Variants in AGO3 observed in about 807,000 individuals in gnomAD.
AGO3 encodes argonaute RISC catalytic component 3, also known as protein argonaute-3.
A neutral mutation model predicts 105.5 loss-of-function variants in AGO3; 16 were observed. The ratio of observed to expected loss-of-function variants is 0.15; its 90% CI spans 0.10 to 0.23. The LOEUF (loss-of-function observed/expected upper bound fraction) is 0.23, where lower values mean the gene tolerates loss of function less well. Among genes scored for constraint, AGO3 ranks in the 10% least tolerant of loss-of-function variants. AGO3 has a pLI of 1.00. For synonymous variants in AGO3, 340 were observed against 367.3 expected, an observed-to-expected ratio of 0.93 and a Z score of 0.85; for missense variants, 534 against 1,088.0, an observed-to-expected ratio of 0.49 and a Z score of 7.16.
At chr1:35,978,227 T>A (rs1646987218) in intron 5 of AGO3, among the ~76,000 whole-genome samples, 1 of 152,188 alleles carries the variant, frequency 6.6e-6, no homozygotes, top group Non-Finnish European at 1.5e-5. Flanking sequence ...TTTGCTCTTG[T>A]CACCCAGGCT....
chr1:36,053,395 C>T (rs1351309636), intron 17 of AGO3, among the ~76,000 whole-genome samples: 1 of 151,738 alleles, frequency 6.6e-6, no homozygotes, highest in Non-Finnish European at 1.5e-5. Context: ...ATTCTCCTGC[C>T]TCACCCTCCC....
intron 5 of AGO3, among the ~76,000 whole-genome samples, chr1:35,999,440 G>C (rs1461552395): frequency 6.6e-6 from 1 of 152,166 alleles, no homozygotes. Flanking sequence ...ATTACATCCT[G>C]TTGATATTTT....
chr1:35,960,503 T>G (rs1173046876), intron 2 of AGO3, among the ~76,000 whole-genome samples: 2 of 152,000 alleles, frequency 1.3e-5, no homozygotes, highest in African/African-American at 4.8e-5. Flanking sequence ...TTTTTTTCGC[T>G]AAAATTCTAA....
Position 35,931,337 on chromosome 1 carries a change from T to A in AGO3, c.-90T>A. 1 of 1,251,916 alleles carries A rather than the reference T, an allele frequency of 8.0e-7. No homozygotes were observed. Among genetic ancestry groups the A allele is most frequent in the Non-Finnish European group, 1.0e-6 (1 of 956,098 alleles). The allele number at this position is 1,251,916 out of a possible 1,614,324, so 77.6% of individuals were successfully genotyped here. ...CCTCGGGGCCGAGTGAGAGTGCCCG[T>A]CGCGTCGCGCCGCGTCGCCCCCCGG... is the stretch of plus-strand genomic sequence containing the variant. On this transcript the variant is annotated 5_prime_UTR_variant, in exon 1 of 19. Coordinates refer to ENST00000373191, the MANE Select transcript of AGO3 (RefSeq NM_024852.4).
intron 2 of AGO3, among the ~76,000 whole-genome samples, chr1:35,964,458 G>C (rs960106505): frequency 6.6e-6 from 1 of 152,064 alleles, no homozygotes; most frequent in African/African-American, 2.4e-5. Context: ...ACATGATCTT[G>C]TTCTTTTTTA....
intron 2 of AGO3, among the ~76,000 whole-genome samples, chr1:35,946,743 GTGAA>G (rs1646371921): frequency 6.6e-6 from 1 of 152,168 alleles, no homozygotes; most frequent in Non-Finnish European, 1.5e-5. Context: ...ATACCTGAAA[GTGAA>G]TGAGCACTAA....
chr1:35,983,376 A>C (rs1329947637), intron 5 of AGO3: 1 of 149,366 alleles, frequency 6.7e-6, no homozygotes, highest in African/African-American at 2.5e-5. Context: ...GTTTGCGATC[A>C]GGCTGAACAA....
chr1:35,944,978 A>G (rs931826676), intron 1 of AGO3, among the ~76,000 whole-genome samples: 1 of 151,596 alleles, frequency 6.6e-6, no homozygotes, highest in East Asian at 1.9e-4. Flanking sequence ...AATTTTTTGT[A>G]TTTTTGGTAG....
intron 15 of AGO3, 54 bp from the exon 16 acceptor site, chr1:36,040,253 T>C: frequency 6.4e-7 from 1 of 1,552,042 alleles, no homozygotes; most frequent in Non-Finnish European, 8.8e-7. Flanking sequence ...TACTTTGAAG[T>C]ATATAAAAAC....
At chr1:35,943,000 A>T (rs1353543805) in intron 1 of AGO3, among the ~76,000 whole-genome samples, 1 of 151,212 alleles carries the variant, frequency 6.6e-6, no homozygotes, top group Non-Finnish European at 1.5e-5. Flanking sequence ...TCATTCTGTG[A>T]CTGGTTTTGT....
intron 11 of AGO3, among the ~76,000 whole-genome samples, chr1:36,015,264 A>G (rs1640845345): frequency 6.6e-6 from 1 of 152,220 alleles, no homozygotes; most frequent in African/African-American, 2.4e-5. Context: ...GATGCAGTAA[A>G]GATATCCATA....
chr1:35,953,405 A>G (rs1646509175), intron 2 of AGO3, among the ~76,000 whole-genome samples: 1 of 152,196 alleles, frequency 6.6e-6, no homozygotes, highest in Non-Finnish European at 1.5e-5. Flanking sequence ...GTGGATGTGA[A>G]GTTGTATCTC....
chr1:35,970,927 C>G (rs941213688), intron 3 of AGO3, among the ~76,000 whole-genome samples: 8 of 151,076 alleles, frequency 5.3e-5, no homozygotes, highest in Admixed American at 6.6e-5. Context: ...AGGTCTTGCT[C>G]TGTTGCCTGG....
At chr1:36,025,669 A>G (rs1039087409) in intron 11 of AGO3, among the ~76,000 whole-genome samples, 4 of 152,200 alleles carry the variant, frequency 2.6e-5, no homozygotes, top group African/African-American at 7.2e-5. Flanking sequence ...TAGGACCTCA[A>G]TTGTTTTAAA....
intron 5 of AGO3, among the ~76,000 whole-genome samples, chr1:35,983,773 T>C (rs1046177881): frequency 3.9e-5 from 6 of 152,166 alleles, no homozygotes; most frequent in African/African-American, 1.4e-4. Context: ...GTATGAATGG[T>C]GGTACTGTCA....
intron 5 of AGO3, among the ~76,000 whole-genome samples, chr1:35,995,209 A>AAAAATAT (rs1237315557): frequency 1.0e-4 from 12 of 114,734 alleles, no homozygotes; most frequent in African/African-American, 3.7e-4. Context: ...TAAAAAAAAA[A>AAAAATAT]ATATATATAT....
Position 36,000,326 on chromosome 1 carries a change from C to A in AGO3, c.659-4015C>A, listed in dbSNP as rs114129255. Among the ~76,000 whole-genome samples the A allele has an allele frequency of 8.2e-3, 1,255 of 152,208 alleles. 18 individuals are homozygous for A. Among genetic ancestry groups the A allele is most frequent in the African/African-American group, 0.028 (1,177 of 41,530 alleles). Reference sequence around the variant, plus strand: ...ATTTGCTGATTTCAACCCATTCTTTCTGAGTTTTTTATTACTAAATTTAAT... The same window carrying A: ...ATTTGCTGATTTCAACCCATTCTTTATGAGTTTTTTATTACTAAATTTAAT... On this transcript the variant is annotated intron_variant, in intron 5 of 18. Transcript: ENST00000373191.
At chr1:35,999,066 T>C (rs1448048727) in intron 5 of AGO3, among the ~76,000 whole-genome samples, 1 of 152,150 alleles carries the variant, frequency 6.6e-6, no homozygotes, top group East Asian at 1.9e-4. Context: ...TTCTTAAGAA[T>C]TGTTGGCTGG....
At chr1:36,014,975 C>T (rs1557686663) in intron 11 of AGO3, among the ~76,000 whole-genome samples, 1 of 152,094 alleles carries the variant, frequency 6.6e-6, no homozygotes. Context: ...AGGGTTTCCC[C>T]ACACACCAAG....
Sources: gnomAD v4.1 joint callset for allele counts (sites outside exome capture counted in the v4.1 genomes callset) on GRCh38, gnomAD v4.1.1 for gene constraint, MANE v1.5 for transcripts, NCBI Gene and HGNC (gene_info 2026-07-23, HGNC 2026-07-21) for gene names.